The following OR2L13 variants were observed in gnomAD, a reference collection of about 807,000 sequenced individuals.
OR2L13 encodes the protein olfactory receptor family 2 subfamily L member 13, also known as olfactory receptor 2L13.
Under a neutral mutation model 15.3 loss-of-function variants are expected in OR2L13, and 14 were observed. The ratio of observed to expected loss-of-function variants is 0.91; its 90% CI spans 0.60 to 1.43. The LOEUF is 1.43. OR2L13 is among the 40% of genes most tolerant of loss of function. The pLI, the probability that OR2L13 is intolerant of heterozygous loss-of-function variation, is 0.00. For synonymous variants in OR2L13, 152 were observed against 142.9 expected (o/e 1.06, Z -0.45); for missense variants, 367 against 387.9 (o/e 0.95, Z 0.45).
chr1:248,099,896 A>G, exon 3 of OR2L13: 3 of 1,614,020 alleles, frequency 1.9e-6, no homozygotes, highest in Non-Finnish European at 2.5e-6. Flanking sequence ...AGGGCTATTG[A>G]CCATTTCTTC....
chr1:248,029,885 T>A, the OR2L13 span, among the ~76,000 whole-genome samples: 1 of 152,206 alleles, frequency 6.6e-6, no homozygotes, highest in Non-Finnish European at 1.5e-5. Flanking sequence ...CCTTGAAACA[T>A]CTAAATACAT....
chr1:248,034,464 T>C, the OR2L13 span, among the ~76,000 whole-genome samples: 1 of 152,242 alleles, frequency 6.6e-6, no homozygotes, highest in Non-Finnish European at 1.5e-5. Context: ...TAAGGTCCTT[T>C]GAAATTCCAT....
At chr1:247,972,742 T>C in the OR2L13 span, among the ~76,000 whole-genome samples, 3 of 152,044 alleles carry the variant, frequency 2.0e-5, no homozygotes, top group African/African-American at 7.2e-5. Flanking sequence ...TTCCAAACAA[T>C]AGAAAAAGAG....
the OR2L13 span, among the ~76,000 whole-genome samples, chr1:248,001,585 T>C: frequency 6.6e-6 from 1 of 151,992 alleles, no homozygotes; most frequent in Non-Finnish European, 1.5e-5. Flanking sequence ...AAAAGGACTA[T>C]TTCTGTAAAT....
the OR2L13 span, among the ~76,000 whole-genome samples, chr1:248,000,038 A>T: frequency 4.6e-3 from 703 of 151,624 alleles, 6 homozygotes; most frequent in African/African-American, 0.016. Flanking sequence ...TAGAAGTTCC[A>T]TCTGATTTCT....
chr1:247,975,431 A>G, the OR2L13 span: 80 of 717,270 alleles, frequency 1.1e-4, no homozygotes, highest in Admixed American at 1.4e-3. Flanking sequence ...AAGAAGGCCT[A>G]TTCGACCTGT....
the OR2L13 span, among the ~76,000 whole-genome samples, chr1:248,004,855 G>A: frequency 6.6e-6 from 1 of 152,154 alleles, no homozygotes; most frequent in Non-Finnish European, 1.5e-5. Context: ...TGAAGACACT[G>A]TCTTTTTCCC....
chr1:248,055,237 A>G, the OR2L13 span, among the ~76,000 whole-genome samples: 1 of 152,184 alleles, frequency 6.6e-6, no homozygotes, highest in Non-Finnish European at 1.5e-5. Context: ...GTGATGGATT[A>G]CATTCATTGA....
chr1:247,983,061 T>C, the OR2L13 span, among the ~76,000 whole-genome samples: 1 of 152,180 alleles, frequency 6.6e-6, no homozygotes, highest in African/African-American at 2.4e-5. Context: ...TATATGTGTA[T>C]ATCAACTTAT....
chr1:248,009,268 A>G, the OR2L13 span, among the ~76,000 whole-genome samples: 536 of 152,206 alleles, frequency 3.5e-3, 5 homozygotes, highest in African/African-American at 0.012. Context: ...AACAAAATAG[A>G]CCACTAGTCA....
the OR2L13 span, among the ~76,000 whole-genome samples, chr1:247,984,970 T>C: frequency 6.6e-6 from 1 of 152,182 alleles, no homozygotes; most frequent in Non-Finnish European, 1.5e-5. Context: ...TTCATGTAGG[T>C]GAATTCATAC....
chr1:248,055,672 A>C, the OR2L13 span, among the ~76,000 whole-genome samples: 1 of 152,202 alleles, frequency 6.6e-6, no homozygotes, highest in East Asian at 1.9e-4. Context: ...CATGTGAATC[A>C]CTTAAACCCA....
At chr1:248,014,970 C>A in the OR2L13 span, among the ~76,000 whole-genome samples, 1 of 152,164 alleles carries the variant, frequency 6.6e-6, no homozygotes, top group African/African-American at 2.4e-5. Flanking sequence ...ATACTTCATA[C>A]TCACTTTCAT....
At chr1:248,049,836 A>G in the OR2L13 span, among the ~76,000 whole-genome samples, 119 of 152,258 alleles carry the variant, frequency 7.8e-4, no homozygotes, top group Non-Finnish European at 1.3e-3. Context: ...TACACCACAC[A>G]TTTTTAAAAG....
chr1:247,949,063 A>C, the OR2L13 span: 2 of 1,613,854 alleles, frequency 1.2e-6, no homozygotes, highest in South Asian at 1.1e-5. Flanking sequence ...TCCCTCATTG[A>C]CCTAAATTAC....
the OR2L13 span, among the ~76,000 whole-genome samples, chr1:247,942,914 C>T: frequency 6.6e-6 from 1 of 151,084 alleles, no homozygotes; most frequent in Non-Finnish European, 1.5e-5. Context: ...TCCACTCTTC[C>T]ACTTCCTCTC....
At chr1:248,031,306 C>A in the OR2L13 span, among the ~76,000 whole-genome samples, 1 of 152,128 alleles carries the variant, frequency 6.6e-6, no homozygotes, top group Non-Finnish European at 1.5e-5. Context: ...CAAAGAGATG[C>A]TACATTGGTG....
the OR2L13 span, among the ~76,000 whole-genome samples, chr1:248,038,007 TAA>T: frequency 1.3e-5 from 2 of 152,236 alleles, no homozygotes; most frequent in Non-Finnish European, 2.9e-5. Flanking sequence ...TGCATTCACA[TAA>T]GTTTTATTAC....
the OR2L13 span, among the ~76,000 whole-genome samples, chr1:247,938,389 G>T: frequency 6.6e-6 from 1 of 152,022 alleles, no homozygotes; most frequent in Non-Finnish European, 1.5e-5. Flanking sequence ...GTGGACCCAA[G>T]AGCAGCATGA....
Sources: allele counts gnomAD v4.1 joint callset (sites outside exome capture counted in the v4.1 genomes callset), GRCh38; gene constraint gnomAD v4.1.1; transcripts MANE v1.5; gene names NCBI Gene and HGNC (gene_info 2026-07-23, HGNC 2026-07-21).